TRABD2B: variants seen among roughly 807,000 people sequenced by gnomAD.
TRABD2B encodes TraB domain containing 2B.
A neutral mutation model predicts 40.1 loss-of-function variants in TRABD2B; 14 were observed. The ratio of observed to expected loss-of-function variants is 0.35; its 90% CI spans 0.23 to 0.55. The LOEUF is 0.55. Among genes scored for constraint, TRABD2B ranks in the 20% least tolerant of loss-of-function variants. The pLI is 0.90. For missense variants in TRABD2B, 541 were observed against 648.6 expected (o/e 0.83, Z 1.80); for synonymous variants, 263 against 277.0 (o/e 0.95, Z 0.50).
intron 2 of TRABD2B, among the ~76,000 whole-genome samples, chr1:47,915,484 C>T (rs1197807369): frequency 6.6e-6 from 1 of 152,158 alleles, no homozygotes; most frequent in Admixed American, 6.5e-5. Context: ...CAGTCCCATC[C>T]CACTAACAGG....
At chr1:47,859,290 C>T (rs995460576) in intron 2 of TRABD2B, among the ~76,000 whole-genome samples, 3 of 152,160 alleles carry the variant, frequency 2.0e-5, no homozygotes, top group Non-Finnish European at 4.4e-5. Context: ...CTGGTGGTTA[C>T]CCACAGCCAG....
At chr1:47,823,193 T>C (rs1645133545) in intron 2 of TRABD2B, among the ~76,000 whole-genome samples, 1 of 152,260 alleles carries the variant, frequency 6.6e-6, no homozygotes, top group Admixed American at 6.5e-5. Context: ...GCAGAGGTAC[T>C]GAACATGTAG....
chr1:47,816,574 C>T (rs1645035274), intron 2 of TRABD2B, among the ~76,000 whole-genome samples: 1 of 152,174 alleles, frequency 6.6e-6, no homozygotes, highest in Non-Finnish European at 1.5e-5. Flanking sequence ...TCATCTCTCC[C>T]CTTTGCCTCC....
chr1:47,927,617 C>T (rs1001975916), intron 2 of TRABD2B, among the ~76,000 whole-genome samples: 1 of 152,184 alleles, frequency 6.6e-6, no homozygotes, highest in African/African-American at 2.4e-5. Context: ...CCATGTTTGT[C>T]AGGAGGGTCC....
rs185091834 is a variant in TRABD2B at position 47,882,027 on chromosome 1, C to T, written c.667-80408G>A. On this transcript the variant is annotated intron_variant, in intron 2 of 6. Coordinates refer to ENST00000606738, the MANE Select transcript of TRABD2B (RefSeq NM_001194986.2). The stretch of plus-strand genomic sequence containing the variant: ...GCAACAGTAATCCCTGCCATGTGAG[C>T]GTGTGTGCCTTCTGCCCTCAGAAGC... Among the ~76,000 whole-genome samples the T allele has an allele frequency of 1.1e-3, 162 of 152,326 alleles. 1 individual carries two copies. The highest frequency in any genetic ancestry group is 1.8e-3 in the Non-Finnish European group (123 of 68,022).
At chr1:47,767,333 G>A (rs767716270) in intron 6 of TRABD2B, among the ~76,000 whole-genome samples, 1 of 152,194 alleles carries the variant, frequency 6.6e-6, no homozygotes, top group Non-Finnish European at 1.5e-5. Context: ...GTAGATGAAG[G>A]GAAGGCCATG....
intron 2 of TRABD2B, among the ~76,000 whole-genome samples, chr1:47,941,554 GC>G (rs1397773761): frequency 2.6e-5 from 4 of 152,230 alleles, no homozygotes; most frequent in Admixed American, 2.6e-4. Flanking sequence ...CCTGGACACT[GC>G]CTAGCTATGT....
chr1:47,963,161 G>A (rs986666026), intron 2 of TRABD2B, among the ~76,000 whole-genome samples: 3 of 152,222 alleles, frequency 2.0e-5, no homozygotes, highest in Non-Finnish European at 4.4e-5. Context: ...CTGATGGATC[G>A]TCTCCCAAAG....
Position 47,929,995 on chromosome 1 carries a change from C to T in TRABD2B, c.666+64039G>A, listed in dbSNP as rs1183623214. Among the ~76,000 whole-genome samples the T allele has an allele frequency of 3.3e-5, 5 of 152,322 alleles. No homozygotes were observed. The South Asian group carries it at 1.0e-3, about 32-fold the overall frequency. On this transcript the variant is annotated intron_variant, in intron 2 of 6. Transcript: ENST00000606738. ...ATACCTGGCTCCCTACTTCTCCCAC[C>T]TCCCTGCTCCACATACATACCAATT...
In TRABD2B at chr1:47,816,174, T is replaced by G. The variant is rs189214083; in HGVS notation, c.667-14555A>C. Among the ~76,000 whole-genome samples, 245 of 152,294 alleles carry G rather than the reference T, an allele frequency of 1.6e-3. 1 individual carries two copies. The highest frequency in any genetic ancestry group is 3.4e-3 in the Middle Eastern group (1 of 294). On this transcript the variant is annotated intron_variant, in intron 2 of 6. Coordinates refer to ENST00000606738, the MANE Select transcript of TRABD2B (RefSeq NM_001194986.2). ...TTTTACTTCTTGCTGCTGGAGGGCATGCACACAGTGATCTCAGGCCCTGGG... is the reference window on the plus strand; with the variant it reads ...TTTTACTTCTTGCTGCTGGAGGGCAGGCACACAGTGATCTCAGGCCCTGGG...
chr1:47,997,014 C>T lies in TRABD2B; in HGVS notation c.-225G>A. 5 of 1,072,014 alleles carry T rather than the reference C, an allele frequency of 4.7e-6. No homozygotes were observed. Among genetic ancestry groups the T allele is most frequent in the Non-Finnish European group, 5.6e-6 (5 of 887,200 alleles). 66.4% of individuals were successfully genotyped at this position (1,072,014 alleles called of 1,614,324 possible). A position where few individuals can be genotyped will look rare whatever the true frequency, so the allele number is the denominator to read the frequency against. The stretch of plus-strand genomic sequence containing the variant: ...GGAGACCCTCTAGGGCTGGGCCCCT[C>T]CCCCGGGCGCTCAACCTCGCTGGCC... On this transcript the variant is annotated 5_prime_UTR_variant, in exon 1 of 7. Transcript: ENST00000606738.
chr1:47,906,241 T>C (rs1410882307), intron 2 of TRABD2B, among the ~76,000 whole-genome samples: 1 of 152,224 alleles, frequency 6.6e-6, no homozygotes, highest in Non-Finnish European at 1.5e-5. Context: ...CTTCGTGCTT[T>C]GAATGACTCA....
chr1:47,987,254 C>G (rs1645932546), intron 2 of TRABD2B, among the ~76,000 whole-genome samples: 1 of 152,124 alleles, frequency 6.6e-6, no homozygotes, highest in Non-Finnish European at 1.5e-5. Context: ...TTCTTGAGAG[C>G]TGGCCCCTTC....
rs1297370900 is a variant in TRABD2B at position 47,996,828 on chromosome 1, C to T, written c.-39G>A. On this transcript the variant is annotated 5_prime_UTR_variant, in exon 1 of 7. Transcript: ENST00000606738. This position sits in a 1 kb window ranked among gnomAD's most constrained non-coding sequence, Gnocchi z 4.6. ...GCGGGGCGCGGGGGACCCTCCTGGGCGGCGCCCCTCAGCGGGGCGGGGAGC... is the reference window on the plus strand; with the variant it reads ...GCGGGGCGCGGGGGACCCTCCTGGGTGGCGCCCCTCAGCGGGGCGGGGAGC... 12 of 1,171,134 alleles carry T rather than the reference C, an allele frequency of 1.0e-5. No homozygotes were observed. In the African/African-American group the frequency reaches 1.8e-4, roughly 17 times the overall value. 72.5% of individuals were successfully genotyped at this position (1,171,134 alleles called of 1,614,324 possible).
chr1:47,992,307 C>T (rs1281743280), intron 2 of TRABD2B, among the ~76,000 whole-genome samples: 2 of 152,168 alleles, frequency 1.3e-5, no homozygotes, highest in Non-Finnish European at 1.5e-5. Context: ...AAAACATAAC[C>T]TCACACACAC....
intron 2 of TRABD2B, among the ~76,000 whole-genome samples, chr1:47,941,882 T>C (rs939389900): frequency 6.6e-6 from 1 of 152,266 alleles, no homozygotes; most frequent in Non-Finnish European, 1.5e-5. Context: ...CACCAGGTTT[T>C]AGTGTGAGGA....
chr1:47,893,142 T>C (rs1171416588), intron 2 of TRABD2B, among the ~76,000 whole-genome samples: 3 of 152,202 alleles, frequency 2.0e-5, no homozygotes, highest in African/African-American at 7.2e-5. Flanking sequence ...TCATCTCCCC[T>C]GGGTTACCAG....
chr1:47,800,306 G>A (rs1238101920), intron 3 of TRABD2B, among the ~76,000 whole-genome samples: 1 of 152,192 alleles, frequency 6.6e-6, no homozygotes, highest in Non-Finnish European at 1.5e-5. Flanking sequence ...TTCTGAGTCA[G>A]GTGGTTGGGG....
At chr1:47,911,878 G>A (rs533953792) in intron 2 of TRABD2B, among the ~76,000 whole-genome samples, 14 of 152,356 alleles carry the variant, frequency 9.2e-5, no homozygotes, top group Admixed American at 9.1e-4. Context: ...TGTGTGACAC[G>A]CAGGTTTCAT....
Sources: gnomAD v4.1 joint callset for allele counts (sites outside exome capture counted in the v4.1 genomes callset) on GRCh38, gnomAD v4.1.1 for gene constraint, Gnocchi (gnomAD v3.1) non-coding constraint, MANE v1.5 for transcripts, NCBI Gene and HGNC (gene_info 2026-07-23, HGNC 2026-07-21) for gene names.